LIPH: variants seen among roughly 807,000 people sequenced by gnomAD.
The protein encoded by LIPH is lipase member H.
In LIPH, 32 loss-of-function variants were observed where a neutral mutation model predicts 47.6. The ratio of observed to expected loss-of-function variants is 0.67; its 90% confidence interval spans 0.51 to 0.90. The LOEUF is 0.90. LIPH is among the 40% of genes least tolerant of loss of function. LIPH has a pLI of 0.00. For missense variants in LIPH, 497 were observed against 541.4 expected, an observed-to-expected ratio of 0.92 and a Z score of 0.81; for synonymous variants, 190 against 195.6, an observed-to-expected ratio of 0.97 and a Z score of 0.24.
chr3:185,541,285 A>G (rs1380775184), intron 1 of LIPH, among the ~76,000 whole-genome samples: 1 of 152,144 alleles, frequency 6.6e-6, no homozygotes, highest in African/African-American at 2.4e-5. Context: ...ATTGCCTCTC[A>G]AATGCTCCTT....
intron 3 of LIPH, among the ~76,000 whole-genome samples, chr3:185,530,939 A>G (rs1300713238): frequency 2.0e-5 from 3 of 152,218 alleles, no homozygotes; most frequent in Non-Finnish European, 4.4e-5. Flanking sequence ...CATGATGAAT[A>G]AAACATCTGA....
chr3:185,535,624 A>G (rs1318713656), intron 1 of LIPH, among the ~76,000 whole-genome samples: 1 of 151,424 alleles, frequency 6.6e-6, no homozygotes. Context: ...TGTTTTGGAG[A>G]CAGAGTCTCA....
At chr3:185,522,605 A>G (rs1367344123) in intron 5 of LIPH, among the ~76,000 whole-genome samples, 2 of 146,180 alleles carry the variant, frequency 1.4e-5, no homozygotes, top group Non-Finnish European at 3.0e-5. Flanking sequence ...AAAAAGAAGG[A>G]AGGGAGGGAG....
chr3:185,544,696 A>G (rs1720816700), intron 1 of LIPH, among the ~76,000 whole-genome samples: 1 of 152,100 alleles, frequency 6.6e-6, no homozygotes, highest in Non-Finnish European at 1.5e-5. Flanking sequence ...TTTTTCTGCA[A>G]CATACCTGAA....
intron 3 of LIPH, 140 bp downstream of exon 3, chr3:185,533,431 T>G: frequency 1.4e-6 from 1 of 719,920 alleles, no homozygotes; most frequent in African/African-American, 1.7e-5. Context: ...ATCTTCCTTT[T>G]GCATGCAATG....
chr3:185,512,487 C>CT (rs549114120), intron 8 of LIPH, among the ~76,000 whole-genome samples: 1,698 of 130,932 alleles, frequency 0.013, 47 homozygotes, highest in African/African-American at 0.037. Context: ...GACATTAATC[C>CT]TTTTTTTTTT....
Position 185,527,493 on chromosome 3 carries a change from C to A in LIPH, c.619G>T (p.Asp207Tyr), listed in dbSNP as rs756287038. Reference sequence around the variant, plus strand: ...AGGAAAGGAGCGTTACCATCAGTGTCGGAATGGATGACATCAACAAACTGC... The same window carrying A: ...AGGAAAGGAGCGTTACCATCAGTGTAGGAATGGATGACATCAACAAACTGC... ...DAQFVDVIHS[D>Y]TDALGYKEPL... The change falls in exon 4 of 10, where the codon GAC becomes TAC. Residue 207 changes from aspartate to tyrosine, a missense_variant. Physicochemically the swap from Asp to Tyr is radical, Grantham distance 160 (BLOSUM62 -3). Coordinates refer to ENST00000296252, the MANE Select transcript of LIPH (RefSeq NM_139248.3). The A allele has an allele frequency of 1.2e-6, 2 of 1,610,384 alleles. No individual in the cohort carries two copies. Among genetic ancestry groups the A allele is most frequent in the South Asian group, 2.2e-5 (2 of 90,800 alleles).
At position 185,532,496 on chromosome 3, in the gene LIPH, C is replaced by CA. The variant is rs1388548872; in HGVS notation, c.526+1074dup. Among the ~76,000 whole-genome samples, 550 of 126,282 alleles carry CA rather than the reference C, an allele frequency of 4.4e-3. 1 individual carries two copies. The highest frequency in any genetic ancestry group is 0.011 in the African/African-American group (383 of 34,028). 82.8% of individuals were successfully genotyped at this position (126,282 alleles called of 152,430 possible). Reference sequence around the variant, plus strand: ...CCTGGGCAACACAGCGAGACCCTGTCAAAAAAAAAAAGGCTATGTGCAGTG... The same window carrying CA: ...CCTGGGCAACACAGCGAGACCCTGTCAAAAAAAAAAAAGGCTATGTGCAGTG... On this transcript the variant is annotated intron_variant, in intron 3 of 9. Transcript: ENST00000296252.
intron 1 of LIPH, among the ~76,000 whole-genome samples, chr3:185,535,801 C>T (rs1232008150): frequency 6.6e-6 from 1 of 152,058 alleles, no homozygotes; most frequent in South Asian, 2.1e-4. Context: ...TGGGGTTTCA[C>T]CATGTTGGCC....
chr3:185,522,636 G>GAGAGAAAGAAAA (rs55846829), intron 5 of LIPH, among the ~76,000 whole-genome samples: 2 of 138,836 alleles, frequency 1.4e-5, no homozygotes, highest in African/African-American at 5.4e-5. Context: ...AGAAGGAAAA[G>GAGAGAAAGAAAA]AAAGAGAGAA....
chr3:185,549,692 G>A (rs1187810626), intron 1 of LIPH, among the ~76,000 whole-genome samples: 2 of 152,146 alleles, frequency 1.3e-5, no homozygotes, highest in African/African-American at 4.8e-5. Context: ...TACAGACAGG[G>A]CGGGAAAATT....
chr3:185,529,912 A>C (rs1287477563), intron 3 of LIPH, among the ~76,000 whole-genome samples: 2 of 36,618 alleles, frequency 5.5e-5, no homozygotes, highest in South Asian at 3.4e-3. Context: ...AAAGAAAAGA[A>C]AGAAAGAAAG....
In LIPH at chr3:185,535,006, G is replaced by A. The variant is rs1720459925; in HGVS notation, c.176C>T (p.Ser59Phe). Residue 59 changes from serine (S) to phenylalanine (F), a missense_variant, in exon 2 of 10, where the codon TCC becomes TTC. Physicochemically the swap from Ser to Phe is radical, Grantham distance 155 (BLOSUM62 -2). Coordinates refer to ENST00000296252, the MANE Select transcript of LIPH (RefSeq NM_139248.3). ...CACATTCAAGTTCCCAAAAGCTGAG[G>A]AGTTGATGGTTTGTGCGCAGGTCAG... ...KNLTCAQTIN[S>F]SAFGNLNVTK... 3 of 1,613,714 alleles carry A rather than the reference G, an allele frequency of 1.9e-6. No homozygotes were observed.
At position 185,527,580 on chromosome 3, in the gene LIPH, C is replaced by G. The variant is rs1484869809; in HGVS notation, c.532G>C (p.Asp178His). The change falls in exon 4 of 10, where the codon GAC (aspartate) becomes CAC (histidine). Residue 178 changes from aspartate (D) to histidine (H), a missense_variant. Coordinates refer to ENST00000296252, the MANE Select transcript of LIPH (RefSeq NM_139248.3). The stretch of plus-strand genomic sequence containing the variant: ...CCGTTGAATAAAGGGCCTGCAGGGT[C>G]GAGGCCTGGAAGGAAAACAGAGTCA... ...DGWLGRITGL[D>H]PAGPLFNGKP... is the part of the protein sequence containing the mutation. The G allele has an allele frequency of 6.2e-7, 1 of 1,608,174 alleles. No homozygotes were observed. The highest frequency in any genetic ancestry group is 8.5e-7 in the Non-Finnish European group (1 of 1,176,316).
chr3:185,531,928 C>T (rs1203957971), intron 3 of LIPH, among the ~76,000 whole-genome samples: 2 of 152,078 alleles, frequency 1.3e-5, no homozygotes, highest in Admixed American at 6.6e-5. Flanking sequence ...CATCCTCAAG[C>T]TCCTAGACTC....
At chr3:185,516,787 T>C (rs1480239926) in intron 7 of LIPH, among the ~76,000 whole-genome samples, 3 of 152,242 alleles carry the variant, frequency 2.0e-5, no homozygotes, top group Non-Finnish European at 4.4e-5. Flanking sequence ...ATTAAATTAA[T>C]ATTTTTAAAT....
chr3:185,546,110 G>T (rs1720863760), intron 1 of LIPH, among the ~76,000 whole-genome samples: 1 of 152,124 alleles, frequency 6.6e-6, no homozygotes, highest in East Asian at 1.9e-4. Flanking sequence ...AGTTTGCAGT[G>T]AGTCGAGACC....
intron 6 of LIPH, 125 bp from the exon 7 acceptor site, chr3:185,517,287 C>G: frequency 1.5e-6 from 1 of 677,448 alleles, no homozygotes; most frequent in Non-Finnish European, 2.7e-6. Context: ...CATCCCACCT[C>G]CATCCCCCAT....
intron 5 of LIPH, among the ~76,000 whole-genome samples, chr3:185,520,330 C>T (rs1262562205): frequency 6.6e-6 from 1 of 151,948 alleles, no homozygotes; most frequent in Admixed American, 6.6e-5. Flanking sequence ...ACCAGCCTGA[C>T]CAACATGGTG....
Sources: gnomAD v4.1 joint callset for allele counts (sites outside exome capture counted in the v4.1 genomes callset) on GRCh38, gnomAD v4.1.1 for gene constraint, MANE v1.5 for transcripts, NCBI Gene and HGNC (gene_info 2026-07-23, HGNC 2026-07-21) for gene names.